FAM180A: variants seen among roughly 807,000 people sequenced by gnomAD.
FAM180A encodes family with sequence similarity 180 member A.
In FAM180A, 14 loss-of-function variants were observed where a neutral mutation model predicts 15.3. That is an observed-to-expected ratio of 0.92 (90% confidence interval 0.61 to 1.43). The LOEUF is 1.43. Ranked by LOEUF, FAM180A falls within the 40% of genes most tolerant of loss-of-function variation. FAM180A has a pLI of 0.00. For synonymous variants in FAM180A, 90 were observed against 96.8 expected, an observed-to-expected ratio of 0.93 and a Z score of 0.41; for missense variants, 200 against 220.8, an observed-to-expected ratio of 0.91 and a Z score of 0.60.
chr7:135,732,752 A>T (rs1175490489), intron 3 of FAM180A, among the ~76,000 whole-genome samples: 1 of 151,318 alleles, frequency 6.6e-6, no homozygotes, highest in African/African-American at 2.4e-5. Context: ...AGAATGTTTG[A>T]ATGATGATCT....
chr7:135,745,217 G>A (rs1797014275), intron 1 of FAM180A, among the ~76,000 whole-genome samples: 1 of 152,062 alleles, frequency 6.6e-6, no homozygotes. Context: ...TCATGACTGA[G>A]GACACACACA....
At chr7:135,736,076 G>C (rs1386092866) in intron 2 of FAM180A, among the ~76,000 whole-genome samples, 1 of 147,360 alleles carries the variant, frequency 6.8e-6, no homozygotes, top group Admixed American at 6.8e-5. Context: ...AGGCTGGAGT[G>C]CAGTGGCGTG....
chr7:135,738,983 G>T (rs892270380), intron 1 of FAM180A, among the ~76,000 whole-genome samples: 8 of 152,188 alleles, frequency 5.3e-5, no homozygotes, highest in African/African-American at 1.9e-4. Flanking sequence ...TTGAGCCATT[G>T]AGAAAAGGTC....
intron 1 of FAM180A, among the ~76,000 whole-genome samples, chr7:135,740,958 AC>A: frequency 4.6e-5 from 1 of 21,718 alleles, no homozygotes; most frequent in Non-Finnish European, 1.2e-4. Flanking sequence ...TTAAAAAAAA[AC>A]AAAACAAAAC....
At chr7:135,739,393 G>A (rs1009297928) in intron 1 of FAM180A, among the ~76,000 whole-genome samples, 18 of 151,160 alleles carry the variant, frequency 1.2e-4, no homozygotes, top group Admixed American at 4.6e-4. Flanking sequence ...GGTGGATCAC[G>A]AGGTCAGGAG....
intron 1 of FAM180A, among the ~76,000 whole-genome samples, chr7:135,743,890 G>T (rs957069238): frequency 2.6e-4 from 40 of 152,060 alleles, no homozygotes; most frequent in Non-Finnish European, 4.7e-4. Context: ...CAAATAGAGT[G>T]CCTACAAAAT....
rs1796761932 is a variant in FAM180A, at chr7:135,730,204, G to A, written c.*407C>T. 1 of 985,318 alleles carries A rather than the reference G, an allele frequency of 1.0e-6. No individual in the cohort carries two copies. The highest frequency in any genetic ancestry group is 1.1e-4 in the East Asian group (1 of 8,824). 61.0% of individuals were successfully genotyped at this position (985,318 alleles called of 1,614,324 possible). ...TGTTGATGTCTCTTGAGTGACATTG[G>A]AGATAGCTGTGAGGATGCCAACGAT... On this transcript the variant is annotated 3_prime_UTR_variant, in exon 4 of 4. Coordinates refer to ENST00000338588, the MANE Select transcript of FAM180A (RefSeq NM_205855.4).
At chr7:135,739,485 G>A (rs540482396) in intron 1 of FAM180A, among the ~76,000 whole-genome samples, 3 of 151,284 alleles carry the variant, frequency 2.0e-5, no homozygotes, top group Non-Finnish European at 2.9e-5. Context: ...GGTGGCAGGC[G>A]CCCGTAGTCC....
intron 1 of FAM180A, among the ~76,000 whole-genome samples, chr7:135,740,623 C>T (rs1796931631): frequency 6.6e-6 from 1 of 152,162 alleles, no homozygotes; most frequent in Non-Finnish European, 1.5e-5. Context: ...TGGTGTCCTT[C>T]TACCATAAAA....
chr7:135,733,698 A>G lies in FAM180A; in HGVS notation c.*277T>C. 1.6e-6 allele frequency: 2 copies of G among 1,239,974 alleles called. No individual in the cohort carries two copies. The highest frequency in any genetic ancestry group is 2.0e-6 in the Non-Finnish European group (2 of 990,578). The allele number at this position is 1,239,974 out of a possible 1,614,324, so 76.8% of individuals were successfully genotyped here. On this transcript the variant is annotated 3_prime_UTR_variant, in exon 3 of 4. Coordinates refer to ENST00000338588, the MANE Select transcript of FAM180A (RefSeq NM_205855.4). Reference sequence around the variant, plus strand: ...CTGCTCTGGGTTGAAGCATATCAGAATTCTGCCTGCCATAGGCAAACCATT... The same window carrying G: ...CTGCTCTGGGTTGAAGCATATCAGAGTTCTGCCTGCCATAGGCAAACCATT...
intron 2 of FAM180A, 59 bp downstream of exon 2, chr7:135,737,040 A>G: frequency 3.6e-6 from 5 of 1,372,614 alleles, no homozygotes; most frequent in South Asian, 2.4e-5. Flanking sequence ...TCCAAAAAAG[A>G]TAGAGAAAGT....
At chr7:135,730,441 G>T (rs1372776047) in intron 3 of FAM180A, among the ~76,000 whole-genome samples, 160 bp from the exon 4 acceptor site, 2 of 152,198 alleles carry the variant, frequency 1.3e-5, no homozygotes, top group East Asian at 3.8e-4. Flanking sequence ...CTACTTGGGA[G>T]GCTGAGGTGG....
intron 1 of FAM180A, among the ~76,000 whole-genome samples, chr7:135,745,028 G>C (rs1331089298): frequency 6.6e-6 from 1 of 152,138 alleles, no homozygotes; most frequent in Non-Finnish European, 1.5e-5. Flanking sequence ...CTTGCCTTAA[G>C]TGATCCTACC....
chr7:135,733,715 C>T lies in FAM180A; in HGVS notation c.*260G>A. ...ATATCAGAATTCTGCCTGCCATAGG[C>T]AAACCATTCTGCCCATGGAGGCGTC... On this transcript the variant is annotated 3_prime_UTR_variant, in exon 3 of 4. Coordinates refer to ENST00000338588, the MANE Select transcript of FAM180A (RefSeq NM_205855.4). The T allele has an allele frequency of 7.8e-7, 1 of 1,284,826 alleles. No individual in the cohort carries two copies. Among genetic ancestry groups the T allele is most frequent in the Admixed American group, 3.8e-5 (1 of 26,250 alleles). 79.6% of individuals were successfully genotyped at this position (1,284,826 alleles called of 1,614,324 possible).
chr7:135,739,975 G>A (rs1241601260), intron 1 of FAM180A, among the ~76,000 whole-genome samples: 1 of 152,156 alleles, frequency 6.6e-6, no homozygotes, highest in Non-Finnish European at 1.5e-5. Flanking sequence ...GCAGAGTGAC[G>A]AGCTCTGTTT....
At chr7:135,736,877 A>G (rs1158503656) in intron 2 of FAM180A, among the ~76,000 whole-genome samples, 1 of 152,236 alleles carries the variant, frequency 6.6e-6, no homozygotes, top group Admixed American at 6.5e-5. Context: ...TGAACTCCTA[A>G]TGCCATCATT....
intron 2 of FAM180A, among the ~76,000 whole-genome samples, chr7:135,736,300 C>T (rs941479084): frequency 4.6e-5 from 7 of 152,232 alleles, no homozygotes; most frequent in African/African-American, 9.6e-5. Context: ...GGATTACAGG[C>T]GTAAGCCACC....
intron 1 of FAM180A, 35 bp from the exon 2 acceptor site, chr7:135,737,234 G>C: frequency 6.7e-7 from 1 of 1,484,672 alleles, no homozygotes; most frequent in Non-Finnish European, 9.1e-7. Context: ...CCTGGCTGCT[G>C]TGTGCGCCCA....
At chr7:135,730,463 G>A (rs370668805) in intron 3 of FAM180A, among the ~76,000 whole-genome samples, 182 bp from the exon 4 acceptor site, 3 of 152,284 alleles carry the variant, frequency 2.0e-5, no homozygotes, top group African/African-American at 7.2e-5. Flanking sequence ...AGAATCGTTT[G>A]AACACTGTAG....
Sources: gnomAD v4.1 joint callset for allele counts (sites outside exome capture counted in the v4.1 genomes callset) on GRCh38, gnomAD v4.1.1 for gene constraint, MANE v1.5 for transcripts, NCBI Gene and HGNC (gene_info 2026-07-23, HGNC 2026-07-21) for gene names.